FAM186B: variants seen among roughly 807,000 people sequenced by gnomAD.
FAM186B encodes the protein protein FAM186B.
Under a neutral mutation model 83.4 loss-of-function variants are expected in FAM186B, and 68 were observed. The observed-to-expected ratio is 0.81, with a 90% confidence interval of 0.67 to 1.00. The LOEUF (loss-of-function observed/expected upper bound fraction) is 1.00. FAM186B is among the 50% of genes least tolerant of loss of function. The probability of loss-of-function intolerance (pLI) is 0.00; values close to 1 mark genes in which losing one functional copy is unlikely to be tolerated. For missense variants in FAM186B, 983 were observed against 1,099.2 expected, an observed-to-expected ratio of 0.89 and a Z score of 1.49; for synonymous variants, 389 against 422.0, an observed-to-expected ratio of 0.92 and a Z score of 0.96.
At chr12:49,621,483 T>C in the FAM186B span, among the ~76,000 whole-genome samples, 1 of 152,146 alleles carries the variant, frequency 6.6e-6, no homozygotes, top group African/African-American at 2.4e-5. Context: ...AACAGTCAGA[T>C]TGGAGAAGGT....
At chr12:49,601,621 GT>G (rs78749792) in intron 3 of FAM186B, among the ~76,000 whole-genome samples, 366 of 145,810 alleles carry the variant, frequency 2.5e-3, no homozygotes, top group African/African-American at 5.7e-3. Flanking sequence ...CATGTTTTAT[GT>G]TTTTTTTTTT....
upstream of FAM186B, among the ~76,000 whole-genome samples, chr12:49,607,763 G>A (rs1220321135): frequency 2.0e-5 from 3 of 152,140 alleles, no homozygotes; most frequent in African/African-American, 7.2e-5. Flanking sequence ...GCAGTGGCGT[G>A]ATCTCGGCTC....
the FAM186B span, among the ~76,000 whole-genome samples, chr12:49,616,122 C>G: frequency 6.6e-6 from 1 of 151,964 alleles, no homozygotes; most frequent in Non-Finnish European, 1.5e-5. Flanking sequence ...CTCCGCCTCC[C>G]GGGTTCAAGC....
the FAM186B span, among the ~76,000 whole-genome samples, chr12:49,621,100 C>T: frequency 2.0e-5 from 3 of 152,112 alleles, no homozygotes; most frequent in Non-Finnish European, 4.4e-5. Flanking sequence ...AAGAGTGAGG[C>T]AGCCAGGCAA....
At chr12:49,622,262 G>C in the FAM186B span, among the ~76,000 whole-genome samples, 8 of 139,086 alleles carry the variant, frequency 5.8e-5, no homozygotes, top group Middle Eastern at 3.7e-3. Flanking sequence ...TGCGGGCCGC[G>C]CGCCAGTCTC....
At chr12:49,615,073 G>A in the FAM186B span, among the ~76,000 whole-genome samples, 3 of 151,996 alleles carry the variant, frequency 2.0e-5, no homozygotes, top group Non-Finnish European at 2.9e-5. Flanking sequence ...AGCTTGCAGT[G>A]AGCCAAGTTC....
intron 5 of FAM186B, 26 bp downstream of exon 5, chr12:49,598,729 C>CGG (rs368454335): frequency 1.3e-6 from 2 of 1,503,906 alleles, no homozygotes. Flanking sequence ...GGCGGAGTGG[C>CGG]GGGGGGGTCA....
chr12:49,621,666 A>G, the FAM186B span, among the ~76,000 whole-genome samples: 1 of 152,274 alleles, frequency 6.6e-6, no homozygotes. Flanking sequence ...AATTCCAGGA[A>G]AAATAAAAGT....
intron 5 of FAM186B, among the ~76,000 whole-genome samples, chr12:49,592,198 G>A (rs1467344726): frequency 2.0e-5 from 3 of 152,236 alleles, no homozygotes; most frequent in Non-Finnish European, 2.9e-5. Flanking sequence ...AAACCCTAGA[G>A]TGCAGTGGCT....
In FAM186B at chr12:49,588,451, T is replaced by A; in HGVS notation, c.2534+3A>T. ...GCTGCCCCCTCAGCTTCCCAGAACC[T>A]ACCGGGCCATCTGCAGGGGCACACA... On this transcript the variant is annotated splice_donor_region_variant and intron_variant, in intron 6 of 6. Coordinates refer to ENST00000257894, the MANE Select transcript of FAM186B (RefSeq NM_032130.3). 6.2e-7 allele frequency: 1 copy of A among 1,610,278 alleles called. No homozygotes were observed. The highest frequency in any genetic ancestry group is 8.5e-7 in the Non-Finnish European group (1 of 1,177,676).
chr12:49,605,461 G>A lies in FAM186B; in HGVS notation c.17C>T (p.Pro6Leu). Residue 6 changes from proline to leucine, a missense_variant, in exon 1 of 7, where the codon CCC becomes CTC. Coordinates refer to ENST00000257894, the MANE Select transcript of FAM186B (RefSeq NM_032130.3). The stretch of plus-strand genomic sequence containing the variant: ...TGATGTGGGAGTCACCAACTGTGGG[G>A]GGTCATCCTTCTCCATTTTGGATCA... MEKDD[P>L]PQLVTPTSVK... is the part of the protein sequence containing the mutation. 6.2e-7 allele frequency: 1 copy of A among 1,613,666 alleles called. No homozygotes were observed. The highest frequency in any genetic ancestry group is 8.5e-7 in the Non-Finnish European group (1 of 1,179,866).
Position 49,600,074 on chromosome 12 carries a change from A to T in FAM186B, c.1566T>A (p.Asn522Lys), listed in dbSNP as rs1032328206. The T allele has an allele frequency of 2.2e-5, 35 of 1,606,838 alleles. No homozygotes were observed. Among genetic ancestry groups the T allele is most frequent in the Non-Finnish European group, 2.9e-5 (34 of 1,176,406 alleles). ...GTTGCTCCCTGGCCAGGTCTTCCAG[A>T]TTCCACTGCCGCAGCTTCTCCTGAT... Reference protein sequence around the residue: ...QEHQEKLRQWNLEDLAREQQR... With the variant: ...QEHQEKLRQWKLEDLAREQQR... Residue 522 changes from asparagine (N) to lysine (K), a missense_variant, in exon 4 of 7, where the codon AAT becomes AAA. Transcript: ENST00000257894. This position sits in a 1 kb window ranked among gnomAD's most constrained non-coding sequence, Gnocchi z 4.3.
At chr12:49,606,870 G>A (rs1940034512), upstream of FAM186B, among the ~76,000 whole-genome samples, 7 of 152,124 alleles carry the variant, frequency 4.6e-5, no homozygotes, top group South Asian at 1.5e-3. Flanking sequence ...ACCATAATTT[G>A]GGCCATAAAA....
chr12:49,614,666 C>G, the FAM186B span, among the ~76,000 whole-genome samples: 1 of 152,054 alleles, frequency 6.6e-6, no homozygotes, highest in Admixed American at 6.6e-5. Context: ...AATCATACCC[C>G]CAACCACAAC....
chr12:49,605,680 G>T (rs369865183), upstream of FAM186B: 973 of 478,176 alleles, frequency 2.0e-3, 9 homozygotes, highest in South Asian at 0.012. Flanking sequence ...TTGATTAGAA[G>T]AATTAGGAGA....
chr12:49,593,957 T>A (rs1375367029), intron 5 of FAM186B: 1 of 153,214 alleles, frequency 6.5e-6, no homozygotes, highest in Non-Finnish European at 1.5e-5. Flanking sequence ...AGCATGCTCA[T>A]GAATTGAAAG....
the FAM186B span, among the ~76,000 whole-genome samples, chr12:49,615,423 AATAG>A: frequency 2.6e-5 from 4 of 152,372 alleles, no homozygotes; most frequent in South Asian, 4.1e-4. Flanking sequence ...TTGTATCCAG[AATAG>A]ATAAAGAGCT....
At chr12:49,609,242 T>C (rs1452867783), upstream of FAM186B, among the ~76,000 whole-genome samples, 2 of 152,176 alleles carry the variant, frequency 1.3e-5, no homozygotes, top group East Asian at 3.9e-4. Context: ...CTTGGTATGC[T>C]AGACTGTTCT....
chr12:49,599,574 C>A lies in FAM186B; in HGVS notation c.2066G>T (p.Arg689Leu). ...GGTGGTGAGCTCCAGTGCTTTGCTG[C>A]GCAGGTAGTGGGGCAGCCTCAACTC... ...ESELRLPHYL[R>L]SKALELTTTT... Residue 689 changes from arginine to leucine, a missense_variant, in exon 4 of 7, where the codon CGC becomes CTC. Transcript: ENST00000257894. The A allele has an allele frequency of 6.2e-7, 1 of 1,612,670 alleles. No homozygotes were observed. The highest frequency in any genetic ancestry group is 8.5e-7 in the Non-Finnish European group (1 of 1,179,276).
Sources: allele counts gnomAD v4.1 joint callset (sites outside exome capture counted in the v4.1 genomes callset), GRCh38; gene constraint gnomAD v4.1.1; non-coding constraint Gnocchi (gnomAD v3.1); transcripts MANE v1.5; gene names NCBI Gene and HGNC (gene_info 2026-07-23, HGNC 2026-07-21).